The following ROBO2 variants were observed in gnomAD, a reference collection of about 807,000 sequenced individuals.
ROBO2 encodes roundabout homolog 2.
A neutral mutation model predicts 160.8 loss-of-function variants in ROBO2; 53 were observed. The observed-to-expected ratio is 0.33, with a 90% confidence interval of 0.26 to 0.41. The LOEUF is 0.41. Among genes scored for constraint, ROBO2 ranks in the 10% least tolerant of loss-of-function variants. ROBO2 has a pLI of 1.00. For missense variants in ROBO2, 1,577 were observed against 1,722.4 expected (o/e 0.92, Z 1.49); for synonymous variants, 664 against 611.7 (o/e 1.09, Z -1.26).
intron 2 of ROBO2, among the ~76,000 whole-genome samples, chr3:76,736,168 G>C (rs1008309833): frequency 6.6e-6 from 1 of 151,682 alleles, no homozygotes; most frequent in Non-Finnish European, 1.5e-5. Flanking sequence ...TGCAGTCCCA[G>C]CTACTCGGGA....
At chr3:76,420,081 C>T (rs545038073) in intron 2 of ROBO2, among the ~76,000 whole-genome samples, 1 of 152,174 alleles carries the variant, frequency 6.6e-6, no homozygotes, top group Non-Finnish European at 1.5e-5. Context: ...TTCTGAAGCT[C>T]TCATTATTTT....
intron 2 of ROBO2, among the ~76,000 whole-genome samples, chr3:76,411,036 G>A (rs777250064): frequency 6.6e-6 from 1 of 151,842 alleles, no homozygotes; most frequent in Admixed American, 6.6e-5. Flanking sequence ...TTAATGATAG[G>A]TTATCATGAA....
At chr3:76,716,641 C>A (rs139406610) in intron 2 of ROBO2, among the ~76,000 whole-genome samples, 1 of 152,230 alleles carries the variant, frequency 6.6e-6, no homozygotes, top group Non-Finnish European at 1.5e-5. Flanking sequence ...TTCAAATAAG[C>A]AAATTGGTTG....
At chr3:76,128,164 G>A (rs907980425) in intron 2 of ROBO2, among the ~76,000 whole-genome samples, 3 of 151,994 alleles carry the variant, frequency 2.0e-5, no homozygotes, top group Non-Finnish European at 4.4e-5. Context: ...AAACTGTTGG[G>A]ATTACAAGCA....
At chr3:76,410,679 T>C (rs1322017967) in intron 2 of ROBO2, among the ~76,000 whole-genome samples, 3 of 152,160 alleles carry the variant, frequency 2.0e-5, no homozygotes, top group African/African-American at 7.2e-5. Flanking sequence ...AGAAGAGAAA[T>C]GTTTCTGCTT....
intron 16 of ROBO2, among the ~76,000 whole-genome samples, chr3:77,584,888 A>ATG (rs1207576980): frequency 2.3e-5 from 2 of 85,588 alleles, no homozygotes; most frequent in East Asian, 3.5e-4. Context: ...TTATATATAT[A>ATG]TGTATGTGTG....
At chr3:77,428,518 G>A (rs1050475850) in intron 2 of ROBO2, among the ~76,000 whole-genome samples, 3 of 150,516 alleles carry the variant, frequency 2.0e-5, no homozygotes, top group African/African-American at 7.3e-5. Context: ...CACCGCGCCC[G>A]GCTAATTTTT....
chr3:77,491,336 T>C (rs2086082025), intron 4 of ROBO2, among the ~76,000 whole-genome samples: 1 of 152,182 alleles, frequency 6.6e-6, no homozygotes, highest in Non-Finnish European at 1.5e-5. Flanking sequence ...CATTTTTCAA[T>C]CTGGAGTAAT....
chr3:77,623,286 C>T (rs2094937898), intron 23 of ROBO2, among the ~76,000 whole-genome samples: 1 of 152,166 alleles, frequency 6.6e-6, no homozygotes, highest in Non-Finnish European at 1.5e-5. Context: ...CTGGTCTCTG[C>T]ATTTCACTGG....
chr3:76,463,095 T>A (rs1056329527), intron 2 of ROBO2, among the ~76,000 whole-genome samples: 5 of 152,136 alleles, frequency 3.3e-5, no homozygotes, highest in African/African-American at 1.2e-4. Flanking sequence ...ACCGTGGGAA[T>A]AGCATGGCCT....
intron 2 of ROBO2, among the ~76,000 whole-genome samples, chr3:76,677,131 A>T (rs1157252438): frequency 2.0e-5 from 3 of 152,124 alleles, no homozygotes. Context: ...TTTATAGGAT[A>T]TAACAACATT....
At chr3:77,010,327 A>C (rs2061808201) in intron 2 of ROBO2, among the ~76,000 whole-genome samples, 1 of 152,210 alleles carries the variant, frequency 6.6e-6, no homozygotes, top group Admixed American at 6.5e-5. Context: ...CAATAGTTTT[A>C]TAACCTGCTT....
At chr3:76,418,501 G>C (rs1301693296) in intron 2 of ROBO2, among the ~76,000 whole-genome samples, 2 of 152,142 alleles carry the variant, frequency 1.3e-5, no homozygotes, top group Non-Finnish European at 2.9e-5. Flanking sequence ...GGCCTCCCAA[G>C]TGTTGGGATT....
chr3:76,312,024 G>T (rs972102763), intron 2 of ROBO2, among the ~76,000 whole-genome samples: 8 of 152,186 alleles, frequency 5.3e-5, no homozygotes, highest in Non-Finnish European at 1.2e-4. Flanking sequence ...TTGAGACTTT[G>T]AATCAACCTT....
intron 2 of ROBO2, among the ~76,000 whole-genome samples, chr3:76,317,080 G>A (rs1299889635): frequency 6.6e-6 from 1 of 152,120 alleles, no homozygotes; most frequent in East Asian, 1.9e-4. Context: ...TTTTTATAGT[G>A]CTTAATTGTT....
At chr3:77,483,112 T>G (rs2153590944) in intron 4 of ROBO2, among the ~76,000 whole-genome samples, 1 of 152,234 alleles carries the variant, frequency 6.6e-6, no homozygotes, top group African/African-American at 2.4e-5. Flanking sequence ...TAGAGGCAGT[T>G]CCCCTGGCAG....
At chr3:77,093,401 C>T (rs1374075182) in intron 1 of ROBO2, among the ~76,000 whole-genome samples, 1 of 152,096 alleles carries the variant, frequency 6.6e-6, no homozygotes, top group Non-Finnish European at 1.5e-5. Context: ...GCTGACAACT[C>T]AGCTTTATTT....
In ROBO2 at chr3:76,212,887, G is replaced by A. The variant is rs191390948; in HGVS notation, c.109+275285G>A. On this transcript the variant is annotated intron_variant, in intron 2 of 26. Coordinates refer to the ROBO2 transcript ENST00000487694. Reference sequence around the variant, plus strand: ...CTCAGTTTGACTAACTTCTTTAAAAGCCTTCCTTATATCATGGTGTTCTTA... The same window carrying A: ...CTCAGTTTGACTAACTTCTTTAAAAACCTTCCTTATATCATGGTGTTCTTA... Among the ~76,000 whole-genome samples the A allele has an allele frequency of 7.4e-3, 968 of 130,490 alleles. 6 individuals carry two copies. Among genetic ancestry groups the A allele is most frequent in the Admixed American group, 0.013 (152 of 12,038 alleles). The allele number at this position is 130,490 out of a possible 152,430, so 85.6% of individuals were successfully genotyped here.
intron 2 of ROBO2, among the ~76,000 whole-genome samples, chr3:76,129,910 G>A (rs2071160358): frequency 6.6e-6 from 1 of 151,932 alleles, no homozygotes; most frequent in African/African-American, 2.4e-5. Flanking sequence ...TTAGTTGAAA[G>A]TTTTCTCTCA....
Sources: allele counts gnomAD v4.1 joint callset (sites outside exome capture counted in the v4.1 genomes callset), GRCh38; gene constraint gnomAD v4.1.1; transcripts MANE v1.5; gene names NCBI Gene and HGNC (gene_info 2026-07-23, HGNC 2026-07-21).